The following SLC60A1 variants were observed in gnomAD, a reference collection of about 807,000 sequenced individuals.
The protein encoded by SLC60A1 is solute carrier family 60 member 1.
At chr1:205,602,820 T>A in the SLC60A1 span, 2 of 152,182 alleles carry the variant, frequency 1.3e-5, no homozygotes, top group Admixed American at 1.3e-4. Context: ...GAAGAATCAA[T>A]GGCTATATCG....
At chr1:205,581,730 C>G in the SLC60A1 span, among the ~76,000 whole-genome samples, 16 of 152,196 alleles carry the variant, frequency 1.1e-4, no homozygotes, top group African/African-American at 3.9e-4. The surrounding 1 kb of genome is among the most constrained non-coding windows in gnomAD (Gnocchi z 4.2). Flanking sequence ...GGCTTAGAGC[C>G]TCTCTTTGCA....
chr1:205,599,444 G>A, the SLC60A1 span, among the ~76,000 whole-genome samples: 1 of 152,174 alleles, frequency 6.6e-6, no homozygotes. Context: ...GTCTGCGCTG[G>A]ACTCTTAAGA....
chr1:205,597,634 G>C, the SLC60A1 span: 1 of 727,286 alleles, frequency 1.4e-6, no homozygotes, highest in South Asian at 1.7e-5. Context: ...GGCCTCAAGA[G>C]ATCCTCCCAC....
chr1:205,594,008 T>C, the SLC60A1 span, among the ~76,000 whole-genome samples: 4 of 152,208 alleles, frequency 2.6e-5, no homozygotes, highest in African/African-American at 9.7e-5. Context: ...TTCCATTGAA[T>C]CATGACTCTG....
the SLC60A1 span, chr1:205,600,382 A>G: frequency 6.2e-7 from 1 of 1,610,438 alleles, no homozygotes; most frequent in Non-Finnish European, 8.5e-7. Context: ...GAAACATGCT[A>G]CCTGTTTTGT....
the SLC60A1 span, chr1:205,600,654 G>A: frequency 1.7e-6 from 1 of 580,464 alleles, no homozygotes; most frequent in Non-Finnish European, 3.1e-6. Flanking sequence ...AGTTTACCTG[G>A]CTTCTCAAGT....
chr1:205,592,150 T>C, the SLC60A1 span: 2 of 1,614,050 alleles, frequency 1.2e-6, no homozygotes, highest in Non-Finnish European at 1.7e-6. Context: ...GTTGGCGTGG[T>C]GGTGACGTTC....
the SLC60A1 span, chr1:205,579,682 G>GT: frequency 2.6e-6 from 4 of 1,568,630 alleles, no homozygotes; most frequent in African/African-American, 5.4e-5. Flanking sequence ...AGACCACCCA[G>GT]TGAATGGAGG....
the SLC60A1 span, chr1:205,600,585 A>G: frequency 1.1e-6 from 1 of 903,362 alleles, no homozygotes; most frequent in East Asian, 2.7e-5. Flanking sequence ...TTCTCCACTA[A>G]AACTTGGTTG....
chr1:205,579,934 G>A, the SLC60A1 span: 43 of 1,613,378 alleles, frequency 2.7e-5, 1 homozygote, highest in East Asian at 4.5e-4. Context: ...AGAAGGACTC[G>A]GCCGTCTTCC....
chr1:205,588,515 C>CCCTA, the SLC60A1 span, among the ~76,000 whole-genome samples: 10 of 148,810 alleles, frequency 6.7e-5, no homozygotes, highest in Admixed American at 6.7e-4. Context: ...GATCATGGAC[C>CCCTA]CCTACCCCAG....
At chr1:205,575,839 C>T in the SLC60A1 span, among the ~76,000 whole-genome samples, 1,209 of 152,270 alleles carry the variant, frequency 7.9e-3, 20 homozygotes, top group African/African-American at 0.027. Flanking sequence ...CTCTCTGGGC[C>T]TTGGGGAAAG....
chr1:205,594,625 G>T, the SLC60A1 span, among the ~76,000 whole-genome samples: 1 of 148,728 alleles, frequency 6.7e-6, no homozygotes, highest in East Asian at 2.0e-4. Flanking sequence ...TCCAGCCTGG[G>T]TGACAGAGCA....
chr1:205,592,365 GCTCTT>G, the SLC60A1 span: 3 of 1,088,134 alleles, frequency 2.8e-6, no homozygotes, highest in Admixed American at 8.1e-5. Flanking sequence ...GTCTCTCTGT[GCTCTT>G]TTTTTTTTTT....
chr1:205,599,042 C>T, the SLC60A1 span: 1 of 1,544,316 alleles, frequency 6.5e-7, no homozygotes, highest in Non-Finnish European at 8.8e-7. Flanking sequence ...GCTGAAAAAC[C>T]AGCCAAGGAT....
chr1:205,588,936 A>C, the SLC60A1 span, among the ~76,000 whole-genome samples: 332 of 152,316 alleles, frequency 2.2e-3, 2 homozygotes, highest in African/African-American at 7.2e-3. Flanking sequence ...ATGCAGGCTC[A>C]GTACCAGACT....
chr1:205,593,500 G>A, the SLC60A1 span, among the ~76,000 whole-genome samples: 1 of 151,516 alleles, frequency 6.6e-6, no homozygotes. Flanking sequence ...AGAGAGGAGT[G>A]GGGGAAGTTG....
At chr1:205,599,305 G>A in the SLC60A1 span, 30 of 1,603,384 alleles carry the variant, frequency 1.9e-5, no homozygotes, top group African/African-American at 1.9e-4. Flanking sequence ...CCGGGGTCGG[G>A]GAGCGGGGGA....
chr1:205,584,921 G>A, the SLC60A1 span: 6 of 1,613,958 alleles, frequency 3.7e-6, no homozygotes, highest in African/African-American at 2.7e-5. Context: ...AACCTCAGAG[G>A]AGCCCCTTAT....
Sources: gnomAD v4.1 joint callset for allele counts (sites outside exome capture counted in the v4.1 genomes callset) on GRCh38, gnomAD v4.1.1 for gene constraint, Gnocchi (gnomAD v3.1) non-coding constraint, MANE v1.5 for transcripts, NCBI Gene and HGNC (gene_info 2026-07-23, HGNC 2026-07-21) for gene names.